MVP: variants seen among roughly 807,000 people sequenced by gnomAD.
MVP encodes the protein major vault protein.
In MVP, 62 loss-of-function variants were observed where a neutral mutation model predicts 83.5. That is an observed-to-expected ratio of 0.74 (90% CI 0.61 to 0.92). The LOEUF is 0.92. MVP is among the 40% of genes least tolerant of loss of function. The probability of loss-of-function intolerance (pLI) is 0.00; values close to 1 mark genes in which losing one functional copy is unlikely to be tolerated. For synonymous variants in MVP, 505 were observed against 504.1 expected, an observed-to-expected ratio of 1.00 and a Z score of -0.02; for missense variants, 1,000 against 1,203.4, an observed-to-expected ratio of 0.83 and a Z score of 2.50.
intron 10 of MVP, among the ~76,000 whole-genome samples, chr16:29,842,860 T>C (rs1433053795): frequency 1.3e-5 from 2 of 152,150 alleles, no homozygotes; most frequent in Non-Finnish European, 2.9e-5. Context: ...CTACCCCAAC[T>C]AAGCTCCCAG....
intron 1 of MVP, chr16:29,821,245 T>TA (rs2067356753): frequency 6.6e-6 from 1 of 152,338 alleles, no homozygotes; most frequent in Non-Finnish European, 1.5e-5. Context: ...TCTGCCTGGG[T>TA]AGCCCCTGGG....
chr16:29,838,102 C>G (rs2067503298), intron 7 of MVP, among the ~76,000 whole-genome samples: 1 of 152,076 alleles, frequency 6.6e-6, no homozygotes, highest in Non-Finnish European at 1.5e-5. Context: ...TACTGCCATG[C>G]TCCTGGAATA....
At chr16:29,837,311 A>C (rs923619142) in intron 7 of MVP, among the ~76,000 whole-genome samples, 1 of 152,230 alleles carries the variant, frequency 6.6e-6, no homozygotes, top group Non-Finnish European at 1.5e-5. Flanking sequence ...ATGCAAACCT[A>C]GATGGCACCT....
intron 1 of MVP, among the ~76,000 whole-genome samples, chr16:29,824,276 G>A (rs1455318913): frequency 4.1e-5 from 6 of 145,940 alleles, no homozygotes; most frequent in African/African-American, 1.0e-4. Context: ...AGCCCGAGCC[G>A]AGAGTCTGCT....
rs369929368 is a variant in MVP at position 29,830,467 on chromosome 16, AC to A, written c.-35-44del. Reference sequence around the variant, plus strand: ...CTGTCACCAGATTCATGCCTGCCCCACCCCAGGCTCCCCAGGTTCATCCTGT... The same window carrying A: ...CTGTCACCAGATTCATGCCTGCCCCACCCAGGCTCCCCAGGTTCATCCTGT... On this transcript the variant is annotated intron_variant, in intron 1 of 14. Coordinates refer to ENST00000357402, the MANE Select transcript of MVP (RefSeq NM_005115.5). 1.0e-4 allele frequency: 154 copies of A among 1,532,216 alleles called. 2 individuals carry two copies. The African/African-American group carries it at 1.6e-3, about 16-fold the overall frequency. The allele number at this position is 1,532,216 out of a possible 1,614,324, so 94.9% of individuals were successfully genotyped here.
intron 1 of MVP, among the ~76,000 whole-genome samples, chr16:29,829,011 C>A (rs1163512455): frequency 1.3e-5 from 2 of 151,888 alleles, no homozygotes; most frequent in African/African-American, 4.8e-5. Context: ...CCTTCTTCCC[C>A]TCACTTATAT....
chr16:29,834,253 G>A (rs1394635133), intron 5 of MVP, 187 bp downstream of exon 5: 1 of 793,740 alleles, frequency 1.3e-6, no homozygotes, highest in Non-Finnish European at 1.9e-6. Flanking sequence ...TTTCCACTTG[G>A]GCTGGAAAAT....
intron 1 of MVP, among the ~76,000 whole-genome samples, chr16:29,829,125 G>A (rs2067423448): frequency 7.1e-6 from 1 of 140,498 alleles, no homozygotes; most frequent in South Asian, 2.2e-4. Context: ...TCATAATGCT[G>A]GGATTACAGG....
chr16:29,834,280 G>A (rs972823691), intron 5 of MVP: 59 of 590,870 alleles, frequency 1.0e-4, no homozygotes, highest in East Asian at 2.1e-4. Context: ...ATGACCATGC[G>A]GATGTGGCTT....
At chr16:29,846,547 C>A (rs867324805) in intron 13 of MVP, among the ~76,000 whole-genome samples, 1 of 152,208 alleles carries the variant, frequency 6.6e-6, no homozygotes, top group African/African-American at 2.4e-5. Context: ...TAGGCATTAT[C>A]TTATTTAATG....
chr16:29,844,690 C>T lies in MVP; in HGVS notation c.1832C>T (p.Ala611Val), dbSNP rs1258384215. Reference sequence around the variant, plus strand: ...GTCTTTGGCTTTGAGACCTCGGAAGCGAAGGGCCCCGATGGCATGGCCCTG... The same window carrying T: ...GTCTTTGGCTTTGAGACCTCGGAAGTGAAGGGCCCCGATGGCATGGCCCTG... Reference protein sequence around the residue: ...TAVFGFETSEAKGPDGMALPR... With the variant: ...TAVFGFETSEVKGPDGMALPR... The change falls in exon 11 of 15, where the codon GCG becomes GTG. Residue 611 changes from alanine to valine, a missense_variant. Coordinates refer to ENST00000357402, the MANE Select transcript of MVP (RefSeq NM_005115.5). The T allele has an allele frequency of 1.5e-5, 24 of 1,613,852 alleles. No homozygotes were observed. In the East Asian group the frequency reaches 1.6e-4, roughly 10 times the overall value.
chr16:29,834,249 CT>C, intron 5 of MVP, 183 bp downstream of exon 5: 1 of 807,106 alleles, frequency 1.2e-6, no homozygotes, highest in Non-Finnish European at 1.9e-6. Context: ...GCTGTTTCCA[CT>C]TGGGCTGGAA....
chr16:29,828,010 T>G (rs1296752726), intron 1 of MVP, among the ~76,000 whole-genome samples: 22 of 152,150 alleles, frequency 1.4e-4, no homozygotes, highest in Non-Finnish European at 2.9e-4. Context: ...CCCAGGGCTG[T>G]AGTGCAATGG....
intron 3 of MVP, chr16:29,831,541 C>T: frequency 2.2e-6 from 1 of 450,918 alleles, no homozygotes; most frequent in South Asian, 1.6e-5. Flanking sequence ...GTGGAATTGA[C>T]TCACTGTACC....
At chr16:29,836,573 G>A (rs1309602458) in intron 6 of MVP, 149 bp from the exon 7 acceptor site, 19 of 648,140 alleles carry the variant, frequency 2.9e-5, no homozygotes, top group Middle Eastern at 3.6e-4. Flanking sequence ...GAGAGACTCC[G>A]ATTTAAAAAA....
rs1469130612 is a variant in MVP, at chr16:29,845,950, C to A, written c.2109C>A (p.Arg703=). The change falls in exon 12 of 15, where the codon CGC becomes CGA. Residue 703 remains arginine (R), a synonymous_variant. Coordinates refer to ENST00000357402, the MANE Select transcript of MVP (RefSeq NM_005115.5). The part of the protein sequence containing the change: ...ILDQSEAEKA[R]KELLELEALS... ...ACCAGTCAGAAGCCGAGAAAGCTCG[C>A]AAGGAACTTTTGGAGCTGGAGGCTC... is the stretch of plus-strand genomic sequence containing the variant. The A allele has an allele frequency of 1.2e-6, 2 of 1,614,240 alleles. No individual in the cohort carries two copies. Among genetic ancestry groups the A allele is most frequent in the East Asian group, 2.2e-5 (1 of 44,886 alleles).
chr16:29,840,394 G>C lies in MVP; in HGVS notation c.1126G>C (p.Glu376Gln). Residue 376 changes from glutamate to glutamine, a missense_variant, in exon 8 of 15, where the codon GAG becomes CAG. Physicochemically the swap from Glu to Gln is conservative, Grantham distance 29. Coordinates refer to ENST00000357402, the MANE Select transcript of MVP (RefSeq NM_005115.5). ...ATCTGCCAAAGTGGAGGTGGTGGAG[G>C]AGCGCCAGGCCATCCCTCTAGACGA... is the stretch of plus-strand genomic sequence containing the variant. ...VPSAKVEVVE[E>Q]RQAIPLDENE... 1 of 1,594,118 alleles carries C rather than the reference G, an allele frequency of 6.3e-7. No individual in the cohort carries two copies. Among genetic ancestry groups the C allele is most frequent in the Non-Finnish European group, 8.5e-7 (1 of 1,171,252 alleles).
rs575277702 is a variant in MVP, at chr16:29,823,885, C to T, written c.-36+3375C>T. The stretch of plus-strand genomic sequence containing the variant: ...GAGGGAGAACTTTTTACAATAGCAA[C>T]GGGTGAACCTCACCCAGACCAATTA... On this transcript the variant is annotated intron_variant, in intron 1 of 14. Coordinates refer to ENST00000357402, the MANE Select transcript of MVP (RefSeq NM_005115.5). 1.3e-3 allele frequency among the ~76,000 whole-genome samples: 202 copies of T among 150,290 alleles called. 1 individual carries two copies. The highest frequency in any genetic ancestry group is 4.5e-3 in the African/African-American group (183 of 40,952).
At chr16:29,823,841 A>AG (rs1321351056) in intron 1 of MVP, among the ~76,000 whole-genome samples, 1 of 149,680 alleles carries the variant, frequency 6.7e-6, no homozygotes, top group African/African-American at 2.5e-5. Flanking sequence ...GACTCGTCTC[A>AG]GAAAAAAAAA....
Sources: gnomAD v4.1 joint callset for allele counts (sites outside exome capture counted in the v4.1 genomes callset) on GRCh38, gnomAD v4.1.1 for gene constraint, MANE v1.5 for transcripts, NCBI Gene and HGNC (gene_info 2026-07-23, HGNC 2026-07-21) for gene names.